The following GXYLT2 variants were observed in gnomAD, a reference collection of about 807,000 sequenced individuals.
GXYLT2 encodes glycosyltransferase 8 domain containing 4.
GXYLT2 carries 53 observed loss-of-function variants against 45.8 expected under a neutral mutation model. The ratio of observed to expected loss-of-function variants is 1.16; its 90% CI spans 0.93 to 1.46. The LOEUF (loss-of-function observed/expected upper bound fraction) is 1.46, where lower values mean the gene tolerates loss of function less well. Ranked by LOEUF, GXYLT2 falls within the 40% of genes most tolerant of loss-of-function variation. The probability of loss-of-function intolerance (pLI) is 0.00; values close to 1 mark genes in which losing one functional copy is unlikely to be tolerated. For missense variants in GXYLT2, 551 were observed against 544.4 expected, an observed-to-expected ratio of 1.01 and a Z score of -0.12; for synonymous variants, 219 against 214.2, an observed-to-expected ratio of 1.02 and a Z score of -0.19.
chr3:72,950,959 A>T (rs1710512789), intron 3 of GXYLT2, among the ~76,000 whole-genome samples: 1 of 152,188 alleles, frequency 6.6e-6, no homozygotes, highest in Non-Finnish European at 1.5e-5. Context: ...CATCGGGTAC[A>T]GAGTACTATT....
chr3:72,962,572 A>G lies in GXYLT2; in HGVS notation c.977-4975A>G, dbSNP rs1710789399. On this transcript the variant is annotated intron_variant, in intron 5 of 6. Coordinates refer to ENST00000389617, the MANE Select transcript of GXYLT2 (RefSeq NM_001080393.2). The stretch of plus-strand genomic sequence containing the variant: ...AAAGATGCATTTGGTGAAAGGAGGT[A>G]TAAGTTGCATTTCATTCATTCATTC... Among the ~76,000 whole-genome samples, 8 of 152,230 alleles carry G rather than the reference A, an allele frequency of 5.3e-5. No homozygotes were observed. In the South Asian group the frequency reaches 1.4e-3, roughly 28 times the overall value.
chr3:72,973,719 T>A (rs942446785), intron 6 of GXYLT2, among the ~76,000 whole-genome samples: 1 of 152,056 alleles, frequency 6.6e-6, no homozygotes, highest in African/African-American at 2.4e-5. Flanking sequence ...ATGAGGGTTG[T>A]GGGGGGAAAG....
intron 6 of GXYLT2, 77 bp from the exon 7 acceptor site, chr3:72,974,900 C>A: frequency 9.2e-7 from 1 of 1,083,808 alleles, no homozygotes; most frequent in Non-Finnish European, 1.4e-6. Flanking sequence ...ATTCCTGTGT[C>A]ATTTCTTAGT....
In GXYLT2 at chr3:72,974,994, T is replaced by C; in HGVS notation, c.1167T>C (p.Asn389=). ...TCTTTCAGTTTCCCTTTCAAGACAA[T>C]CTCTTTCAATCCATGTATTACCCCC... is the stretch of plus-strand genomic sequence containing the variant. ...EAIRDFPFQD[N]LFQSMYYPLQ... Residue 389 remains asparagine (N), a synonymous_variant, in exon 7 of 7, where the codon AAT becomes AAC. Coordinates refer to ENST00000389617, the MANE Select transcript of GXYLT2 (RefSeq NM_001080393.2). 1 of 1,558,470 alleles carries C rather than the reference T, an allele frequency of 6.4e-7. No homozygotes were observed. The highest frequency in any genetic ancestry group is 8.7e-7 in the Non-Finnish European group (1 of 1,150,024).
rs369136188 is a variant in GXYLT2, at chr3:72,960,243, TC to T, written c.976+2893del. ...GCCCTTTTCTTTAAATACTGCATTTTCCTCTTTGTCATGTGGCCAAAACGAT... is the reference window on the plus strand; with the variant it reads ...GCCCTTTTCTTTAAATACTGCATTTTCTCTTTGTCATGTGGCCAAAACGAT... On this transcript the variant is annotated intron_variant, in intron 5 of 6. Coordinates refer to ENST00000389617, the MANE Select transcript of GXYLT2 (RefSeq NM_001080393.2). 5.3e-3 allele frequency among the ~76,000 whole-genome samples: 801 copies of T among 152,330 alleles called. 7 individuals carry two copies. Among genetic ancestry groups the T allele is most frequent in the African/African-American group, 0.018 (769 of 41,570 alleles).
intron 6 of GXYLT2, among the ~76,000 whole-genome samples, chr3:72,973,678 A>G (rs987203320): frequency 1.3e-5 from 2 of 152,100 alleles, no homozygotes; most frequent in Admixed American, 6.5e-5. Flanking sequence ...TGCTGTTGAG[A>G]TAGAGTTTAC....
chr3:72,930,283 C>A (rs189643058), intron 3 of GXYLT2, among the ~76,000 whole-genome samples: 21 of 151,606 alleles, frequency 1.4e-4, no homozygotes, highest in African/African-American at 4.8e-4. Context: ...GGGCAGATCA[C>A]TTGAGCTCAG....
intron 6 of GXYLT2, among the ~76,000 whole-genome samples, chr3:72,972,523 C>T (rs1711006563): frequency 2.0e-5 from 3 of 151,348 alleles, no homozygotes; most frequent in Non-Finnish European, 4.4e-5. Flanking sequence ...CACCTGTAAT[C>T]CCAGCTACTC....
At chr3:72,974,922 G>A in intron 6 of GXYLT2, 55 bp from the exon 7 acceptor site, 3 of 1,274,738 alleles carry the variant, frequency 2.4e-6, no homozygotes, top group Non-Finnish European at 2.2e-6. Context: ...AAAATGATCT[G>A]CATTTAAAAT....
At chr3:72,903,242 C>T (rs1402696075) in intron 1 of GXYLT2, among the ~76,000 whole-genome samples, 3 of 152,144 alleles carry the variant, frequency 2.0e-5, no homozygotes, top group African/African-American at 7.2e-5. Flanking sequence ...TACGCAAGAC[C>T]ATTTCCACTT....
Position 72,936,342 on chromosome 3 carries a change from G to A in GXYLT2, c.600+14007G>A, listed in dbSNP as rs568051185. ...AAAAAGAAGAGAAAATCAGGAAGTCGTGGAAGAAACTTTAATAAACATAGA... is the reference window on the plus strand; with the variant it reads ...AAAAAGAAGAGAAAATCAGGAAGTCATGGAAGAAACTTTAATAAACATAGA... On this transcript the variant is annotated intron_variant, in intron 3 of 6. Coordinates refer to ENST00000389617, the MANE Select transcript of GXYLT2 (RefSeq NM_001080393.2). Among the ~76,000 whole-genome samples the A allele has an allele frequency of 8.0e-5, 12 of 149,460 alleles. No homozygotes were observed. The East Asian group carries it at 1.8e-3, about 22-fold the overall frequency.
intron 6 of GXYLT2, 33 bp from the exon 7 acceptor site, chr3:72,974,944 T>A (rs1477977217): frequency 1.3e-6 from 2 of 1,482,276 alleles, no homozygotes; most frequent in Non-Finnish European, 1.8e-6. Context: ...GCATTTCCGT[T>A]ACTAAATAAA....
Position 72,929,258 on chromosome 3 carries a change from T to A in GXYLT2, c.600+6923T>A, listed in dbSNP as rs1399576617. ...GGAACATGCCGAGAAACTGATGACG[T>A]TGCAGAACCAACGAGGTGGCCGAAT... On this transcript the variant is annotated intron_variant, in intron 3 of 6. Transcript: ENST00000389617. 3 of 1,485,622 alleles carry A rather than the reference T, an allele frequency of 2.0e-6. No individual in the cohort carries two copies. In the South Asian group the frequency reaches 3.4e-5, roughly 17 times the overall value. 92.0% of individuals were successfully genotyped at this position (1,485,622 alleles called of 1,614,324 possible). A position where few individuals can be genotyped will look rare whatever the true frequency, so the allele number is the denominator to read the frequency against.
chr3:72,971,968 A>G (rs901987103), intron 6 of GXYLT2, among the ~76,000 whole-genome samples: 1 of 151,686 alleles, frequency 6.6e-6, no homozygotes, highest in Non-Finnish European at 1.5e-5. Flanking sequence ...AAAAAAAGAT[A>G]TAAGGAAGTT....
rs1224191590 is a variant in GXYLT2 at position 72,888,107 on chromosome 3, C to T, written c.-127C>T. 1 of 558,064 alleles carries T rather than the reference C, an allele frequency of 1.8e-6. No homozygotes were observed. Among genetic ancestry groups the T allele is most frequent in the Non-Finnish European group, 2.3e-6 (1 of 440,708 alleles). 34.6% of individuals were successfully genotyped at this position (558,064 alleles called of 1,614,324 possible). A position where few individuals can be genotyped will look rare whatever the true frequency, so the allele number is the denominator to read the frequency against. ...GCCGCCGGCCGCCCGCCGGCCGCCA[C>T]GACCCCAGTCCCCGGCGGGCGGGCG... is the stretch of plus-strand genomic sequence containing the variant. On this transcript the variant is annotated 5_prime_UTR_variant, in exon 1 of 7. In the 5' UTR this introduces an upstream ATG that the reference lacks. Transcript: ENST00000389617.
intron 3 of GXYLT2, among the ~76,000 whole-genome samples, chr3:72,946,266 G>A (rs1710402882): frequency 2.1e-5 from 2 of 97,496 alleles, no homozygotes; most frequent in African/African-American, 7.8e-5. Context: ...GACAGAGCAA[G>A]ACCCTGTCTG....
intron 3 of GXYLT2, among the ~76,000 whole-genome samples, chr3:72,951,432 C>T (rs1174207671): frequency 1.3e-5 from 2 of 152,214 alleles, no homozygotes; most frequent in Admixed American, 1.3e-4. Flanking sequence ...AGACTTCTTA[C>T]AAAACCACTA....
At chr3:72,915,189 C>A (rs1227517270) in intron 2 of GXYLT2, among the ~76,000 whole-genome samples, 2 of 151,854 alleles carry the variant, frequency 1.3e-5, no homozygotes, top group Non-Finnish European at 2.9e-5. Context: ...AGCAACCTAG[C>A]ATCCTGAGAG....
At chr3:72,908,730 C>T (rs1283387200) in intron 2 of GXYLT2, among the ~76,000 whole-genome samples, 171 bp downstream of exon 2, 2 of 152,166 alleles carry the variant, frequency 1.3e-5, no homozygotes, top group Non-Finnish European at 2.9e-5. Context: ...ATACCTACCT[C>T]ATAGAGACAT....
Sources: gnomAD v4.1 joint callset for allele counts (sites outside exome capture counted in the v4.1 genomes callset) on GRCh38, gnomAD v4.1.1 for gene constraint, MANE v1.5 for transcripts, NCBI Gene and HGNC (gene_info 2026-07-23, HGNC 2026-07-21) for gene names.